The following DAPK1 variants were observed in gnomAD, a reference collection of about 807,000 sequenced individuals.
The protein encoded by DAPK1 is death-associated protein kinase 1.
A neutral mutation model predicts 144.9 loss-of-function variants in DAPK1; 56 were observed. The observed-to-expected ratio is 0.39, with a 90% CI of 0.31 to 0.48. The LOEUF is 0.48. Ranked by LOEUF, DAPK1 falls within the 20% of genes least tolerant of loss-of-function variation. The pLI is 0.95. For synonymous variants in DAPK1, 690 were observed against 749.0 expected, an observed-to-expected ratio of 0.92 and a Z score of 1.29; for missense variants, 1,454 against 1,875.4, an observed-to-expected ratio of 0.78 and a Z score of 4.15.
At chr9:87,661,272 T>C (rs1479424852) in intron 18 of DAPK1, among the ~76,000 whole-genome samples, 1 of 152,256 alleles carries the variant, frequency 6.6e-6, no homozygotes. Context: ...GCAGTGAACA[T>C]ACAAGTGCAG....
intron 2 of DAPK1, among the ~76,000 whole-genome samples, chr9:87,563,152 T>C (rs1166683302): frequency 6.6e-6 from 1 of 152,206 alleles, no homozygotes; most frequent in Non-Finnish European, 1.5e-5. Flanking sequence ...TTTTTGTTCT[T>C]TATTAACTGT....
intron 21 of DAPK1, among the ~76,000 whole-genome samples, chr9:87,687,747 A>G (rs968590281): frequency 2.0e-5 from 3 of 152,016 alleles, no homozygotes; most frequent in African/African-American, 4.8e-5. Flanking sequence ...GTACTAATTT[A>G]TATTTCTACC....
intron 21 of DAPK1, among the ~76,000 whole-genome samples, chr9:87,689,581 A>G (rs1824984266): frequency 1.3e-5 from 2 of 152,118 alleles, no homozygotes; most frequent in African/African-American, 4.8e-5. Context: ...TATCCACAAT[A>G]TCTTTGTAGG....
rs1434144545 is a variant in DAPK1, at chr9:87,645,892, A to G, written c.1012-3A>G. 1.2e-6 allele frequency: 2 copies of G among 1,613,672 alleles called. No individual in the cohort carries two copies. The highest frequency in any genetic ancestry group is 2.7e-5 in the African/African-American group (2 of 74,898). On this transcript the variant is annotated splice_polypyrimidine_tract_variant and splice_region_variant and intron_variant, in intron 11 of 25. Coordinates refer to ENST00000408954, the MANE Select transcript of DAPK1 (RefSeq NM_004938.4). ...TGTTTCCATCTTGGCTGTCTCTCTC[A>G]AGGATGAGGAAGACTCCTTTGTGAT...
intron 2 of DAPK1, among the ~76,000 whole-genome samples, chr9:87,571,498 A>AACACACACACACACACACACACACAC (rs768913480): frequency 0.014 from 630 of 46,412 alleles, 82 homozygotes; most frequent in South Asian, 0.03. Context: ...CACACACCCC[A>AACACACACACACACACACACACACAC]ACACACACAC....
chr9:87,651,587 C>G lies in DAPK1; in HGVS notation c.1687C>G (p.Leu563Val). The G allele has an allele frequency of 6.2e-7, 1 of 1,614,186 alleles. No homozygotes were observed. The highest frequency in any genetic ancestry group is 8.5e-7 in the Non-Finnish European group (1 of 1,180,032). The change falls in exon 17 of 26, where the codon CTC (leucine) becomes GTC (valine). Residue 563 changes from leucine (L) to valine (V), a missense_variant. Physicochemically the swap from Leu to Val is conservative, Grantham distance 32 (BLOSUM62 1). Coordinates refer to ENST00000408954, the MANE Select transcript of DAPK1 (RefSeq NM_004938.4). ...GTGTCAGATGGAGGTAATCAAGACT[C>G]TCCTCAGCCAAGGGTGTTTCGTCGA... is the stretch of plus-strand genomic sequence containing the variant. ...RRCQMEVIKT[L>V]LSQGCFVDYQ...
At chr9:87,602,072 G>A (rs898397983) in intron 2 of DAPK1, among the ~76,000 whole-genome samples, 22 of 152,264 alleles carry the variant, frequency 1.4e-4, no homozygotes, top group Middle Eastern at 3.4e-3. Context: ...GTGCCCCTGA[G>A]GGGTATGGGG....
chr9:87,614,576 A>ATCT (rs1829032633), intron 3 of DAPK1, among the ~76,000 whole-genome samples: 1 of 152,148 alleles, frequency 6.6e-6, no homozygotes, highest in East Asian at 1.9e-4. Context: ...CTGATCTCAT[A>ATCT]TCTTCTTCTT....
intron 19 of DAPK1, among the ~76,000 whole-genome samples, chr9:87,677,522 T>C (rs896747787): frequency 7.2e-5 from 11 of 152,174 alleles, no homozygotes; most frequent in Non-Finnish European, 1.5e-5. Context: ...AAGAAAGAGC[T>C]GCAGGCAGAT....
At chr9:87,690,566 T>C (rs890390995) in intron 21 of DAPK1, among the ~76,000 whole-genome samples, 1 of 152,024 alleles carries the variant, frequency 6.6e-6, no homozygotes, top group African/African-American at 2.4e-5. Context: ...ATAGGAGTGA[T>C]GTAGGGGGCA....
intron 2 of DAPK1, among the ~76,000 whole-genome samples, chr9:87,582,619 A>G (rs1428167001): frequency 1.4e-5 from 2 of 144,690 alleles, no homozygotes; most frequent in African/African-American, 5.2e-5. Flanking sequence ...CACTGGTGCT[A>G]TCTCGGCTCA....
chr9:87,681,879 C>T (rs1389161163), intron 20 of DAPK1: 10 of 551,782 alleles, frequency 1.8e-5, no homozygotes, highest in Non-Finnish European at 3.3e-5. Flanking sequence ...CACAAAGGTC[C>T]ATCCTCATAA....
At chr9:87,681,282 A>G (rs972734561) in intron 19 of DAPK1, 122 bp from the exon 20 acceptor site, 1 of 677,198 alleles carries the variant, frequency 1.5e-6, no homozygotes, top group Non-Finnish European at 2.6e-6. Context: ...CCGTCTCAAA[A>G]AAGAAAAAAA....
chr9:87,500,494 CA>C (rs113551582), intron 2 of DAPK1, among the ~76,000 whole-genome samples: 1 of 151,876 alleles, frequency 6.6e-6, no homozygotes, highest in Non-Finnish European at 1.5e-5. Flanking sequence ...AAGAAAAAAG[CA>C]AAAAAATAAA....
At chr9:87,674,719 G>A (rs1265377170) in intron 19 of DAPK1, among the ~76,000 whole-genome samples, 1 of 152,124 alleles carries the variant, frequency 6.6e-6, no homozygotes, top group Non-Finnish European at 1.5e-5. Flanking sequence ...TGCCACATGG[G>A]CAAGGCCACA....
At chr9:87,665,623 C>G (rs944115756) in intron 18 of DAPK1, among the ~76,000 whole-genome samples, 11 of 152,336 alleles carry the variant, frequency 7.2e-5, no homozygotes, top group Non-Finnish European at 1.5e-4. Context: ...AGCATTTCCC[C>G]AGACGTCAAT....
Position 87,706,173 on chromosome 9 carries a change from C to T in DAPK1, c.3102C>T (p.Leu1034=). ...GTGAAACAGTTCAGGACGTGCTGCT[C>T]CTGGACCCCCGCTGGCTCTGCACAA... ...MQSETVQDVL[L]LDPRWLCTNV... Residue 1034 remains leucine, a synonymous_variant, in exon 26 of 26, where the codon CTC becomes CTT. Transcript: ENST00000408954. This position sits in a 1 kb window ranked among gnomAD's most constrained non-coding sequence, Gnocchi z 9.0. 1.2e-6 allele frequency: 2 copies of T among 1,610,228 alleles called. No individual in the cohort carries two copies. The highest frequency in any genetic ancestry group is 1.7e-6 in the Non-Finnish European group (2 of 1,176,920).
chr9:87,504,136 C>T (rs1824504257), intron 2 of DAPK1, among the ~76,000 whole-genome samples: 1 of 152,144 alleles, frequency 6.6e-6, no homozygotes, highest in Non-Finnish European at 1.5e-5. Context: ...TGGGTTTCTG[C>T]ATCCTTATAG....
intron 2 of DAPK1, among the ~76,000 whole-genome samples, chr9:87,542,891 G>A (rs945814433): frequency 3.9e-5 from 6 of 152,206 alleles, no homozygotes; most frequent in African/African-American, 1.4e-4. Context: ...TCATGGACAT[G>A]CATGAAATGG....
Sources: gnomAD v4.1 joint callset for allele counts (sites outside exome capture counted in the v4.1 genomes callset) on GRCh38, gnomAD v4.1.1 for gene constraint, Gnocchi (gnomAD v3.1) non-coding constraint, MANE v1.5 for transcripts, NCBI Gene and HGNC (gene_info 2026-07-23, HGNC 2026-07-21) for gene names.